GNA14: variants seen among roughly 807,000 people sequenced by gnomAD.
The protein encoded by GNA14 is G protein subunit alpha 14, also known as guanine nucleotide-binding protein subunit alpha-14.
GNA14 carries 50 observed loss-of-function variants against 42.0 expected under a neutral mutation model. The observed-to-expected ratio is 1.19, with a 90% confidence interval of 0.95 to 1.51. The LOEUF (loss-of-function observed/expected upper bound fraction) is 1.51, where lower values mean the gene tolerates loss of function less well. Ranked by LOEUF, GNA14 falls within the 40% of genes most tolerant of loss-of-function variation. The pLI is 0.00. For missense variants in GNA14, 473 were observed against 446.2 expected (o/e 1.06, Z -0.54); for synonymous variants, 173 against 163.1 (o/e 1.06, Z -0.46).
At chr9:77,576,179 G>T (rs1587835671) in intron 1 of GNA14, among the ~76,000 whole-genome samples, 1 of 152,102 alleles carries the variant, frequency 6.6e-6, no homozygotes, top group Admixed American at 6.5e-5. Flanking sequence ...GCTTGTTAAG[G>T]GAGAGAGATT....
intron 2 of GNA14, among the ~76,000 whole-genome samples, chr9:77,485,449 T>C (rs551589954): frequency 2.0e-5 from 3 of 152,234 alleles, no homozygotes; most frequent in Non-Finnish European, 2.9e-5. Context: ...TCCATGAGAG[T>C]TGGAATCAAC....
At position 77,541,444 on chromosome 9, in the gene GNA14, T is replaced by A. The variant is rs139807850; in HGVS notation, c.125-12191A>T. Among the ~76,000 whole-genome samples, 5 of 152,244 alleles carry A rather than the reference T, an allele frequency of 3.3e-5. No individual in the cohort carries two copies. In the East Asian group the frequency reaches 5.8e-4, roughly 18 times the overall value. On this transcript the variant is annotated intron_variant, in intron 1 of 6. Transcript: ENST00000341700. ...GTTCCTTTATAGGTGACTATAAACT[T>A]TTCTTGTGCTGTTGTTAGAATCCTC...
intron 2 of GNA14, among the ~76,000 whole-genome samples, chr9:77,446,962 T>C (rs1835829135): frequency 1.4e-5 from 2 of 147,862 alleles, no homozygotes; most frequent in South Asian, 4.6e-4. Context: ...GCAGTTCATG[T>C]ACAATTTTTT....
At chr9:77,577,210 C>T (rs943349725) in intron 1 of GNA14, among the ~76,000 whole-genome samples, 7 of 152,204 alleles carry the variant, frequency 4.6e-5, no homozygotes, top group Admixed American at 2.0e-4. Context: ...ATTTTACTTA[C>T]AACCAAGCTA....
chr9:77,504,660 C>CTTTTTTTT (rs34631344), intron 2 of GNA14, among the ~76,000 whole-genome samples: 9 of 76,216 alleles, frequency 1.2e-4, no homozygotes, highest in African/African-American at 4.2e-4. Context: ...GTCTGGCCGA[C>CTTTTTTTT]TTTTTTTTTT....
At chr9:77,602,848 C>T (rs956686871) in intron 1 of GNA14, among the ~76,000 whole-genome samples, 7 of 152,316 alleles carry the variant, frequency 4.6e-5, no homozygotes, top group Admixed American at 1.3e-4. Flanking sequence ...TTGTTTAATG[C>T]TCTGCTGTTA....
At chr9:77,592,068 C>T (rs1156833328) in intron 1 of GNA14, among the ~76,000 whole-genome samples, 1 of 152,224 alleles carries the variant, frequency 6.6e-6, no homozygotes, top group Non-Finnish European at 1.5e-5. Context: ...GCGCCCACCA[C>T]CATGCTCGGC....
chr9:77,453,049 A>G (rs929478035), intron 2 of GNA14, among the ~76,000 whole-genome samples: 1 of 152,208 alleles, frequency 6.6e-6, no homozygotes, highest in African/African-American at 2.4e-5. Flanking sequence ...CTGAGGCAGG[A>G]GGATGGCGTC....
At chr9:77,556,665 C>T (rs1443866) in intron 1 of GNA14, among the ~76,000 whole-genome samples, 2,468 of 152,180 alleles carry the variant, frequency 0.016, 65 homozygotes, top group African/African-American at 0.057. Context: ...CCTAATCAAC[C>T]CCAGGTTTCC....
At position 77,597,859 on chromosome 9, in the gene GNA14, C is replaced by T. The variant is rs543481115; in HGVS notation, c.124+49811G>A. ...GCGAGATCACTTGAGGTCAGGAGTT[C>T]GAGACCAGCCTGGCCAACATGGTGA... On this transcript the variant is annotated intron_variant, in intron 1 of 6. Coordinates refer to ENST00000341700, the MANE Select transcript of GNA14 (RefSeq NM_004297.4). 2.8e-4 allele frequency among the ~76,000 whole-genome samples: 43 copies of T among 151,908 alleles called. 1 individual carries two copies. In the South Asian group the frequency reaches 5.4e-3, roughly 19 times the overall value.
At chr9:77,541,163 T>C (rs530359252) in intron 1 of GNA14, among the ~76,000 whole-genome samples, 176 of 152,320 alleles carry the variant, frequency 1.2e-3, no homozygotes, top group Non-Finnish European at 2.0e-3. Context: ...GTAAATGTTG[T>C]CCTTTCACTT....
chr9:77,464,890 G>A (rs190292112), intron 2 of GNA14, among the ~76,000 whole-genome samples: 2 of 152,184 alleles, frequency 1.3e-5, no homozygotes, highest in East Asian at 1.9e-4. Context: ...ACTTGGACAT[G>A]GACACACAGA....
At chr9:77,456,886 A>G (rs1007910845) in intron 2 of GNA14, among the ~76,000 whole-genome samples, 15 of 152,202 alleles carry the variant, frequency 9.9e-5, no homozygotes, top group African/African-American at 3.4e-4. Flanking sequence ...TATCAATGTG[A>G]TGTTTATGAA....
chr9:77,469,365 T>C (rs941475902), intron 2 of GNA14, among the ~76,000 whole-genome samples: 8 of 116,936 alleles, frequency 6.8e-5, no homozygotes, highest in Non-Finnish European at 1.0e-4. Context: ...TAAACTGTGT[T>C]AAAAAAAAAA....
intron 1 of GNA14, among the ~76,000 whole-genome samples, chr9:77,623,411 C>T (rs1024827371): frequency 1.3e-5 from 2 of 151,870 alleles, no homozygotes; most frequent in African/African-American, 4.8e-5. Flanking sequence ...TTTTTGTAAG[C>T]CCCATAAAGG....
intron 1 of GNA14, among the ~76,000 whole-genome samples, chr9:77,633,273 G>A (rs1824127278): frequency 6.6e-6 from 1 of 152,156 alleles, no homozygotes; most frequent in East Asian, 1.9e-4. Context: ...TATTTAAGAT[G>A]CATTCTCAAA....
intron 2 of GNA14, among the ~76,000 whole-genome samples, chr9:77,527,107 C>T (rs1430477762): frequency 2.0e-5 from 3 of 152,182 alleles, no homozygotes; most frequent in Non-Finnish European, 4.4e-5. Flanking sequence ...CCAGTCACCT[C>T]ACCATGACTG....
chr9:77,550,569 CA>C (rs1837775867), intron 1 of GNA14, among the ~76,000 whole-genome samples: 1 of 152,190 alleles, frequency 6.6e-6, no homozygotes, highest in African/African-American at 2.4e-5. Context: ...CATCTAGGTT[CA>C]AAACACACTC....
At chr9:77,633,788 C>A (rs1824136157) in intron 1 of GNA14, among the ~76,000 whole-genome samples, 1 of 152,148 alleles carries the variant, frequency 6.6e-6, no homozygotes, top group Admixed American at 6.5e-5. Flanking sequence ...AACCCTGGCC[C>A]CACTCTGGCC....
Sources: gnomAD v4.1 joint callset for allele counts (sites outside exome capture counted in the v4.1 genomes callset) on GRCh38, gnomAD v4.1.1 for gene constraint, MANE v1.5 for transcripts, NCBI Gene and HGNC (gene_info 2026-07-23, HGNC 2026-07-21) for gene names.